The following PHAX variants were observed in gnomAD, a reference collection of about 807,000 sequenced individuals.
PHAX encodes phosphorylated adapter RNA export protein.
Under a neutral mutation model 41.6 loss-of-function variants are expected in PHAX, and 31 were observed. The observed-to-expected ratio is 0.75, with a 90% CI of 0.56 to 1.01. PHAX has a LOEUF of 1.01. Ranked by LOEUF, PHAX falls within the 50% of genes least tolerant of loss-of-function variation. The pLI is 0.00. For missense variants in PHAX, 453 were observed against 472.9 expected, an observed-to-expected ratio of 0.96 and a Z score of 0.39; for synonymous variants, 175 against 164.9, an observed-to-expected ratio of 1.06 and a Z score of -0.47.
At chr5:126,617,474 C>G (rs1752203439) in intron 4 of PHAX, 141 bp downstream of exon 4, 1 of 520,448 alleles carries the variant, frequency 1.9e-6, no homozygotes, top group Non-Finnish European at 3.4e-6. Context: ...ACATTTATGC[C>G]TTTTATTTAT....
chr5:126,608,233 A>T, intron 2 of PHAX, 131 bp from the exon 3 acceptor site: 1 of 1,015,092 alleles, frequency 9.9e-7, no homozygotes, highest in South Asian at 1.9e-5. Flanking sequence ...AGTGATTCCA[A>T]GATTAAATAT....
chr5:126,605,295 G>A (rs1751971563), intron 2 of PHAX, among the ~76,000 whole-genome samples: 1 of 152,060 alleles, frequency 6.6e-6, no homozygotes, highest in African/African-American at 2.4e-5. Flanking sequence ...CCAGATTGCT[G>A]GGATTATAGG....
chr5:126,613,786 T>G (rs956366881), intron 3 of PHAX, among the ~76,000 whole-genome samples: 3 of 151,562 alleles, frequency 2.0e-5, no homozygotes, highest in Non-Finnish European at 4.4e-5. Flanking sequence ...TTTTTTTTTT[T>G]CCTTTTTGAT....
chr5:126,614,296 A>G (rs1290794723), intron 3 of PHAX, among the ~76,000 whole-genome samples: 1 of 151,934 alleles, frequency 6.6e-6, no homozygotes, highest in African/African-American at 2.4e-5. Flanking sequence ...ACAGGGTTTC[A>G]CCATGTTGGC....
Position 126,600,956 on chromosome 5 carries a change from C to T in PHAX, c.-7C>T. 1 of 1,600,788 alleles carries T rather than the reference C, an allele frequency of 6.2e-7. No homozygotes were observed. On this transcript the variant is annotated 5_prime_UTR_variant, in exon 1 of 5. Coordinates refer to ENST00000297540, the MANE Select transcript of PHAX (RefSeq NM_032177.4). ...CGCCGCTGTGCAGCGCAGCGCACCGCGGGAAGATGGCGTTGGAGGTCGGCG... is the reference window on the plus strand; with the variant it reads ...CGCCGCTGTGCAGCGCAGCGCACCGTGGGAAGATGGCGTTGGAGGTCGGCG...
At chr5:126,608,937 CAAAAAAAAAAAGAATAAAAA>C (rs1471811807) in intron 3 of PHAX, among the ~76,000 whole-genome samples, 2 of 121,438 alleles carry the variant, frequency 1.6e-5, no homozygotes, top group African/African-American at 3.3e-5. Context: ...AACTCCGTCT[CAAAAAAAAAAAGAATAAAAA>C]GAAAAAAAAA....
chr5:126,623,372 T>C (rs1752300018), intron 4 of PHAX, among the ~76,000 whole-genome samples: 1 of 152,186 alleles, frequency 6.6e-6, no homozygotes, highest in African/African-American at 2.4e-5. Context: ...TGTAATCTTG[T>C]GCCTCATTTT....
intron 3 of PHAX, among the ~76,000 whole-genome samples, chr5:126,613,359 T>C (rs1365510003): frequency 2.0e-5 from 3 of 152,130 alleles, no homozygotes; most frequent in East Asian, 1.9e-4. Flanking sequence ...CAAAAATAAA[T>C]AAACAAGCCA....
rs144562358 is a variant in PHAX, at chr5:126,612,697, G to T, written c.831+4213G>T. Among the ~76,000 whole-genome samples, 589 of 152,132 alleles carry T rather than the reference G, an allele frequency of 3.9e-3. 15 individuals carry two copies. Among genetic ancestry groups the T allele is most frequent in the Admixed American group, 0.035 (539 of 15,256 alleles). On this transcript the variant is annotated intron_variant, in intron 3 of 4. Transcript: ENST00000297540. ...GCCTGGGCAACAAGAGCGAAACTCG[G>T]TCTCAAAAAAGAAAAAGAAATGCAT... is the stretch of plus-strand genomic sequence containing the variant.
chr5:126,609,422 G>A (rs1288730334), intron 3 of PHAX, among the ~76,000 whole-genome samples: 2 of 151,908 alleles, frequency 1.3e-5, no homozygotes, highest in African/African-American at 4.8e-5. Context: ...GTTTTAAGAC[G>A]ACAAAGTCTA....
In PHAX at chr5:126,617,253, G is replaced by T; in HGVS notation, c.835G>T (p.Gly279Cys). 1 of 1,603,294 alleles carries T rather than the reference G, an allele frequency of 6.2e-7. No individual in the cohort carries two copies. The highest frequency in any genetic ancestry group is 1.1e-5 in the South Asian group (1 of 90,516). The change falls in exon 4 of 5, where the codon GGT (glycine) becomes TGT (cysteine). Residue 279 changes from glycine to cysteine, a missense_variant. Coordinates refer to ENST00000297540, the MANE Select transcript of PHAX (RefSeq NM_032177.4). ...EQNGGLFIMN[G>C]SRRRTPGGVF... ...CCTTTTCTGTTCCTTTTTGTAGAAT[G>T]GTAGTCGAAGAAGAACACCAGGTGG...
At chr5:126,623,854 G>A (rs941140480) in intron 4 of PHAX, among the ~76,000 whole-genome samples, 1 of 152,070 alleles carries the variant, frequency 6.6e-6, no homozygotes, top group East Asian at 1.9e-4. Context: ...TCCCTGCCCA[G>A]GAGATAATAG....
chr5:126,621,694 G>T (rs1561683392), intron 4 of PHAX, among the ~76,000 whole-genome samples: 1 of 151,492 alleles, frequency 6.6e-6, no homozygotes. Context: ...AAAGTTTTCT[G>T]AAGGAAAAAA....
At chr5:126,624,109 A>C (rs1191748071) in intron 4 of PHAX, among the ~76,000 whole-genome samples, 1 of 151,326 alleles carries the variant, frequency 6.6e-6, no homozygotes, top group Non-Finnish European at 1.5e-5. Flanking sequence ...CCTGGGTTCA[A>C]ATGATCCTCC....
intron 1 of PHAX, among the ~76,000 whole-genome samples, chr5:126,601,276 A>ACGGCGG (rs1176501526): frequency 2.6e-5 from 4 of 151,816 alleles, no homozygotes; most frequent in South Asian, 2.1e-4. Context: ...GCGAGGGGCG[A>ACGGCGG]CGGCGGCAGC....
chr5:126,605,334 A>G (rs948775423), intron 2 of PHAX, among the ~76,000 whole-genome samples: 1 of 151,598 alleles, frequency 6.6e-6, no homozygotes, highest in Non-Finnish European at 1.5e-5. Flanking sequence ...AGTCTTTGAA[A>G]ATTTTTCTTT....
intron 4 of PHAX, among the ~76,000 whole-genome samples, chr5:126,619,643 G>T (rs1010645586): frequency 6.6e-6 from 1 of 151,180 alleles, no homozygotes. Context: ...TTATATTTTG[G>T]TGATTGTCTC....
chr5:126,617,382 A>T, intron 4 of PHAX, 49 bp downstream of exon 4: 1 of 1,074,186 alleles, frequency 9.3e-7, no homozygotes, highest in Non-Finnish European at 1.4e-6. Flanking sequence ...TTTGACTTCT[A>T]CTCACCCTCT....
chr5:126,619,966 G>A (rs113450256), intron 4 of PHAX, among the ~76,000 whole-genome samples: 118 of 152,292 alleles, frequency 7.7e-4, no homozygotes, highest in African/African-American at 2.8e-3. Context: ...TGGTGATAAA[G>A]GTAATAGGAA....
Sources: gnomAD v4.1 joint callset for allele counts (sites outside exome capture counted in the v4.1 genomes callset) on GRCh38, gnomAD v4.1.1 for gene constraint, MANE v1.5 for transcripts, NCBI Gene and HGNC (gene_info 2026-07-23, HGNC 2026-07-21) for gene names.